Variants in PCDHGA6 observed in about 807,000 individuals in gnomAD.
PCDHGA6 encodes protocadherin gamma-A6.
PCDHGA6 carries 41 observed loss-of-function variants against 60.6 expected under a neutral mutation model. That is an observed-to-expected ratio of 0.68 (90% CI 0.53 to 0.88). The LOEUF (loss-of-function observed/expected upper bound fraction) is 0.88. Among genes scored for constraint, PCDHGA6 ranks in the 40% least tolerant of loss-of-function variants. The pLI is 0.00. For missense variants in PCDHGA6, 1,312 were observed against 1,203.0 expected (o/e 1.09, Z -1.34); for synonymous variants, 594 against 524.4 (o/e 1.13, Z -1.81).
intron 1 of PCDHGA6, among the ~76,000 whole-genome samples, chr5:141,402,701 G>T (rs1561683907): frequency 1.3e-5 from 2 of 152,178 alleles, no homozygotes; most frequent in African/African-American, 2.4e-5. Context: ...ACATCAGTGG[G>T]TGTAGTAACG....
At chr5:141,413,222 G>T in intron 1 of PCDHGA6, 1 of 1,613,796 alleles carries the variant, frequency 6.2e-7, no homozygotes, top group Admixed American at 1.7e-5. Flanking sequence ...GATTGCAGCG[G>T]GCTGGTCCTG....
At chr5:141,388,414 A>G in intron 1 of PCDHGA6, 2 of 1,613,970 alleles carry the variant, frequency 1.2e-6, no homozygotes, top group Non-Finnish European at 1.7e-6. Context: ...CCCAGTGATC[A>G]TTTCTCACTG....
intron 1 of PCDHGA6, chr5:141,394,510 C>T (rs371348730): frequency 2.5e-6 from 4 of 1,614,098 alleles, no homozygotes; most frequent in Non-Finnish European, 3.4e-6. Flanking sequence ...CTGTACCCCG[C>T]CCTCCCCACA....
intron 1 of PCDHGA6, chr5:141,393,662 A>G (rs1442061423): frequency 6.2e-7 from 1 of 1,613,816 alleles, no homozygotes; most frequent in African/African-American, 1.3e-5. Context: ...AATTCCGGAA[A>G]ATTAATGAAA....
At chr5:141,392,721 G>A (rs1169584002) in intron 1 of PCDHGA6, 25 of 1,390,348 alleles carry the variant, frequency 1.8e-5, no homozygotes, top group South Asian at 3.2e-5. Context: ...CAGGTTTCCG[G>A]AGGATTGTCA....
intron 2 of PCDHGA6, among the ~76,000 whole-genome samples, chr5:141,503,239 C>G (rs1364808315): frequency 6.6e-6 from 1 of 152,088 alleles, no homozygotes; most frequent in Non-Finnish European, 1.5e-5. Flanking sequence ...TGGACAGTTT[C>G]TATCATACTC....
chr5:141,479,188 A>G (rs2099489531), intron 1 of PCDHGA6: 1 of 152,606 alleles, frequency 6.6e-6, no homozygotes. Context: ...TAGAAAATTC[A>G]GAAAATACAG....
In PCDHGA6 at chr5:141,485,701, A is replaced by G. The variant is rs747748476; in HGVS notation, c.2425-9106A>G. The G allele has an allele frequency of 1.9e-6, 3 of 1,614,104 alleles. No homozygotes were observed. Among genetic ancestry groups the G allele is most frequent in the Non-Finnish European group, 2.5e-6 (3 of 1,180,010 alleles). On this transcript the variant is annotated intron_variant, in intron 1 of 3. Transcript: ENST00000517434. The surrounding 1 kb of genome is among the most constrained non-coding windows in gnomAD (Gnocchi z 5.7). ...GCAGCTATAGGCTGAGCTCCAATGAACACTTTGCACTGGATGTGAAGAAGC... is the reference window on the plus strand; with the variant it reads ...GCAGCTATAGGCTGAGCTCCAATGAGCACTTTGCACTGGATGTGAAGAAGC...
Position 141,489,161 on chromosome 5 carries a change from A to T in PCDHGA6, c.2425-5646A>T. ...GCTGGAAGGAGACATAAGAGACTTC[A>T]GCTGCTGCATTCCAAGCCCTGGGTC... On this transcript the variant is annotated intron_variant, in intron 1 of 3. Coordinates refer to ENST00000517434, the MANE Select transcript of PCDHGA6 (RefSeq NM_018919.3). The surrounding 1 kb of genome is among the most constrained non-coding windows in gnomAD (Gnocchi z 4.5). 1.9e-6 allele frequency: 2 copies of T among 1,040,278 alleles called. No individual in the cohort carries two copies. The highest frequency in any genetic ancestry group is 2.8e-6 in the Non-Finnish European group (2 of 709,676). 64.4% of individuals were successfully genotyped at this position (1,040,278 alleles called of 1,614,324 possible).
Position 141,477,932 on chromosome 5 carries a change from C to T in PCDHGA6, c.2425-16875C>T. 1 of 1,614,158 alleles carries T rather than the reference C, an allele frequency of 6.2e-7. No homozygotes were observed. The highest frequency in any genetic ancestry group is 8.5e-7 in the Non-Finnish European group (1 of 1,180,034). ...CGCGGATGCAGGGCACAATGCCTGGCTCTCCTACAGTCTCTTGGGATCCCC... is the reference window on the plus strand; with the variant it reads ...CGCGGATGCAGGGCACAATGCCTGGTTCTCCTACAGTCTCTTGGGATCCCC... On this transcript the variant is annotated intron_variant, in intron 1 of 3. Coordinates refer to ENST00000517434, the MANE Select transcript of PCDHGA6 (RefSeq NM_018919.3). This position sits in a 1 kb window ranked among gnomAD's most constrained non-coding sequence, Gnocchi z 4.9.
At chr5:141,409,059 A>G (rs2095217608) in intron 1 of PCDHGA6, 2 of 1,614,050 alleles carry the variant, frequency 1.2e-6, no homozygotes, top group Non-Finnish European at 1.7e-6. Context: ...AGCACTGCCC[A>G]GAGCACAAAA....
chr5:141,472,579 G>T (rs1172183592), intron 1 of PCDHGA6, among the ~76,000 whole-genome samples: 3 of 151,928 alleles, frequency 2.0e-5, no homozygotes, highest in Non-Finnish European at 4.4e-5. Context: ...GCATCTCATT[G>T]GTCAGAAGCT....
At chr5:141,502,234 C>T (rs1482411915) in intron 2 of PCDHGA6, among the ~76,000 whole-genome samples, 1 of 152,108 alleles carries the variant, frequency 6.6e-6, no homozygotes, top group Non-Finnish European at 1.5e-5. Flanking sequence ...TCTGTGTGTT[C>T]TTTTATCCTT....
chr5:141,435,686 T>C (rs2097774326), intron 1 of PCDHGA6, among the ~76,000 whole-genome samples: 1 of 152,340 alleles, frequency 6.6e-6, no homozygotes, highest in Non-Finnish European at 1.5e-5. Flanking sequence ...GAGAACTTTA[T>C]GCTTATTGTA....
Position 141,505,350 on chromosome 5 carries a change from G to A in PCDHGA6, c.2484-43G>A, listed in dbSNP as rs367663588. ...AGAGGACAGGAGGGGCATGAGCTGT[G>A]CCGGCCTGGGAGTCTGTGCTCACCA... On this transcript the variant is annotated intron_variant, in intron 2 of 3. Transcript: ENST00000517434. The A allele has an allele frequency of 4.3e-6, 7 of 1,613,264 alleles. No homozygotes were observed. In the African/African-American group the frequency reaches 6.7e-5, roughly 15 times the overall value.
rs147564249 is a variant in PCDHGA6, at chr5:141,432,378, C to T, written c.2424+55871C>T. 1 of 1,614,234 alleles carries T rather than the reference C, an allele frequency of 6.2e-7. No homozygotes were observed. Among genetic ancestry groups the T allele is most frequent in the Non-Finnish European group, 8.5e-7 (1 of 1,180,044 alleles). ...GTGATGGCGCGGGACAACGGGCACCCGCCCCTCAGCAGCAACGTGTCGTTG... is the reference window on the plus strand; with the variant it reads ...GTGATGGCGCGGGACAACGGGCACCTGCCCCTCAGCAGCAACGTGTCGTTG... On this transcript the variant is annotated intron_variant, in intron 1 of 3. Coordinates refer to ENST00000517434, the MANE Select transcript of PCDHGA6 (RefSeq NM_018919.3). This position sits in a 1 kb window ranked among gnomAD's most constrained non-coding sequence, Gnocchi z 6.0.
intron 1 of PCDHGA6, chr5:141,396,086 G>T (rs2093341467): frequency 6.6e-6 from 1 of 152,152 alleles, no homozygotes; most frequent in Non-Finnish European, 1.5e-5. Flanking sequence ...GATGTGAAGT[G>T]GTGAGAATGT....
intron 1 of PCDHGA6, among the ~76,000 whole-genome samples, chr5:141,456,729 C>T (rs1337183677): frequency 6.6e-6 from 1 of 152,158 alleles, no homozygotes; most frequent in Non-Finnish European, 1.5e-5. Context: ...CTTTGGGAGG[C>T]TGAGGCGGGA....
At chr5:141,510,754 C>G (rs1407911674) in intron 3 of PCDHGA6, among the ~76,000 whole-genome samples, 193 bp from the exon 4 acceptor site, 3 of 152,168 alleles carry the variant, frequency 2.0e-5, no homozygotes, top group African/African-American at 7.2e-5. Flanking sequence ...GACTTTCTCA[C>G]TCCAGAGCCT....
Sources: allele counts gnomAD v4.1 joint callset (sites outside exome capture counted in the v4.1 genomes callset), GRCh38; gene constraint gnomAD v4.1.1; non-coding constraint Gnocchi (gnomAD v3.1); transcripts MANE v1.5; gene names NCBI Gene and HGNC (gene_info 2026-07-23, HGNC 2026-07-21).